Variants in RUVBL1 observed in about 807,000 individuals in gnomAD.
RUVBL1 encodes RuvB like AAA ATPase 1, also known as ruvB-like 1.
Under a neutral mutation model 52.4 loss-of-function variants are expected in RUVBL1, and 4 were observed. That is an observed-to-expected ratio of 0.08 (90% CI 0.04 to 0.17). The LOEUF is 0.17. RUVBL1 is among the 10% of genes least tolerant of loss of function. The pLI is 1.00. For synonymous variants in RUVBL1, 217 were observed against 214.4 expected (o/e 1.01, Z -0.10); for missense variants, 298 against 572.8 (o/e 0.52, Z 4.90).
At chr3:128,130,814 CTATTTTTTTG>C (rs1371876922) in intron 1 of RUVBL1, among the ~76,000 whole-genome samples, 1 of 151,746 alleles carries the variant, frequency 6.6e-6, no homozygotes. Context: ...CCACGCCTGG[CTATTTTTTTG>C]TATTTTTAGT....
intron 1 of RUVBL1, among the ~76,000 whole-genome samples, chr3:128,122,789 G>C (rs1421728305): frequency 9.2e-5 from 14 of 152,176 alleles, no homozygotes; most frequent in Non-Finnish European, 1.6e-4. Context: ...ACTGATTTGG[G>C]AGTCAGAAAT....
chr3:128,101,008 C>G (rs1943097508), intron 5 of RUVBL1, among the ~76,000 whole-genome samples: 1 of 152,142 alleles, frequency 6.6e-6, no homozygotes, highest in African/African-American at 2.4e-5. Context: ...TATGCAATTC[C>G]TGATAAAGGC....
chr3:128,065,580 CAG>C (rs1338264253), intron 9 of RUVBL1, among the ~76,000 whole-genome samples: 4 of 152,060 alleles, frequency 2.6e-5, no homozygotes, highest in African/African-American at 7.2e-5. Context: ...AAAGAAGGGA[CAG>C]AGATGAAAGG....
At chr3:128,145,492 A>C (rs774622252) in intron 1 of RUVBL1, among the ~76,000 whole-genome samples, 20 of 152,238 alleles carry the variant, frequency 1.3e-4, no homozygotes, top group Non-Finnish European at 2.6e-4. Flanking sequence ...TCCAGCCCCC[A>C]GAGGTCTGAG....
At chr3:128,143,148 TCTC>T (rs1490270800) in intron 1 of RUVBL1, among the ~76,000 whole-genome samples, 1 of 147,762 alleles carries the variant, frequency 6.8e-6, no homozygotes, top group Non-Finnish European at 1.5e-5. Flanking sequence ...TCCAGGATAA[TCTC>T]CTCATCTCAA....
At chr3:128,091,681 C>A (rs528361263) in intron 8 of RUVBL1, among the ~76,000 whole-genome samples, 4 of 152,208 alleles carry the variant, frequency 2.6e-5, no homozygotes, top group Non-Finnish European at 4.4e-5. Context: ...TTTCCTCTTA[C>A]AATAACTGTG....
At chr3:128,112,867 C>A in intron 3 of RUVBL1, 21 bp downstream of exon 3, 1 of 1,610,900 alleles carries the variant, frequency 6.2e-7, no homozygotes, top group Non-Finnish European at 8.5e-7. Flanking sequence ...CAACTCCTCC[C>A]ACAAATGTGA....
chr3:128,087,184 G>A (rs1942671733), intron 9 of RUVBL1, among the ~76,000 whole-genome samples: 3 of 152,240 alleles, frequency 2.0e-5, no homozygotes, highest in Admixed American at 1.3e-4. Flanking sequence ...GGCTCTGCTA[G>A]GACACAAGCA....
chr3:128,151,135 A>C (rs1168589525), intron 1 of RUVBL1, among the ~76,000 whole-genome samples: 1 of 124,538 alleles, frequency 8.0e-6, no homozygotes, highest in Non-Finnish European at 1.6e-5. Flanking sequence ...TATATTCTAT[A>C]TATATTCTAT....
chr3:128,132,313 C>G (rs1421947412), intron 1 of RUVBL1, among the ~76,000 whole-genome samples: 1 of 152,168 alleles, frequency 6.6e-6, no homozygotes, highest in Non-Finnish European at 1.5e-5. Flanking sequence ...GCAGTGTAGG[C>G]CACAAGGACT....
intron 3 of RUVBL1, 86 bp downstream of exon 3, chr3:128,112,802 T>C: frequency 2.1e-6 from 3 of 1,454,540 alleles, no homozygotes; most frequent in Non-Finnish European, 2.8e-6. Flanking sequence ...ATACCAGTCA[T>C]AAAGGCATCT....
At chr3:128,095,118 C>T (rs1441836250) in intron 8 of RUVBL1, among the ~76,000 whole-genome samples, 4 of 152,206 alleles carry the variant, frequency 2.6e-5, no homozygotes, top group Non-Finnish European at 5.9e-5. Flanking sequence ...CCAAATCTCC[C>T]GGGTCTCAGG....
At chr3:128,074,025 T>C (rs1942241564) in intron 9 of RUVBL1, among the ~76,000 whole-genome samples, 1 of 141,242 alleles carries the variant, frequency 7.1e-6, no homozygotes. Flanking sequence ...AAGTGACTAA[T>C]AGACTACATC....
intron 1 of RUVBL1, among the ~76,000 whole-genome samples, chr3:128,146,437 C>A: frequency 7.6e-6 from 1 of 130,938 alleles, no homozygotes; most frequent in South Asian, 2.5e-4. Context: ...TGTGCACGGG[C>A]GTGTGCATGT....
chr3:128,146,236 A>C (rs1478803078), intron 1 of RUVBL1, among the ~76,000 whole-genome samples: 1 of 152,178 alleles, frequency 6.6e-6, no homozygotes, highest in Non-Finnish European at 1.5e-5. Flanking sequence ...TGGAGCCAGA[A>C]GAAAACAGGA....
At chr3:128,133,630 A>G (rs1943910745) in intron 1 of RUVBL1, among the ~76,000 whole-genome samples, 1 of 152,250 alleles carries the variant, frequency 6.6e-6, no homozygotes, top group Non-Finnish European at 1.5e-5. Flanking sequence ...ATCTTACCCA[A>G]GACCACCAAG....
chr3:128,079,373 T>C (rs1234050820), downstream of RUVBL1, among the ~76,000 whole-genome samples: 2 of 152,228 alleles, frequency 1.3e-5, no homozygotes, highest in Non-Finnish European at 2.9e-5. Flanking sequence ...CCTGGTTCCA[T>C]CTCTCACTAG....
chr3:128,132,665 A>G (rs937909413), intron 1 of RUVBL1, among the ~76,000 whole-genome samples: 1 of 152,164 alleles, frequency 6.6e-6, no homozygotes, highest in Non-Finnish European at 1.5e-5. Context: ...CAGCGTCTTG[A>G]AGGAGGAAAA....
Position 128,098,872 on chromosome 3 carries a change from G to A in RUVBL1, c.817+10C>T. On this transcript the variant is annotated intron_variant, in intron 7 of 10. Coordinates refer to ENST00000322623, the MANE Select transcript of RUVBL1 (RefSeq NM_003707.3). ...TGCCCCTTGCTCACAGGGCACACTG[G>A]TTCTCCTACCTGTGATTTCTGTCTT... The A allele has an allele frequency of 6.2e-7, 1 of 1,613,612 alleles. No homozygotes were observed.
Sources: gnomAD v4.1 joint callset for allele counts (sites outside exome capture counted in the v4.1 genomes callset) on GRCh38, gnomAD v4.1.1 for gene constraint, MANE v1.5 for transcripts, NCBI Gene and HGNC (gene_info 2026-07-23, HGNC 2026-07-21) for gene names.